IQSEC1: variants seen among roughly 807,000 people sequenced by gnomAD.
IQSEC1 encodes the protein IQ motif and SEC7 domain-containing protein 1.
A neutral mutation model predicts 91.0 loss-of-function variants in IQSEC1; 31 were observed. The observed-to-expected ratio is 0.34, with a 90% CI of 0.26 to 0.46. IQSEC1 has a LOEUF of 0.46. IQSEC1 is among the 20% of genes least tolerant of loss of function. The pLI is 1.00. For synonymous variants in IQSEC1, 699 were observed against 662.6 expected, an observed-to-expected ratio of 1.05 and a Z score of -0.84; for missense variants, 1,388 against 1,575.6, an observed-to-expected ratio of 0.88 and a Z score of 2.02.
At chr3:12,933,826 C>T (rs1559639781) in intron 3 of IQSEC1, among the ~76,000 whole-genome samples, 1 of 152,256 alleles carries the variant, frequency 6.6e-6, no homozygotes, top group Non-Finnish European at 1.5e-5. Context: ...GCAAGGCATG[C>T]ATTTTCTGTG....
chr3:13,192,345 AAAAAAAAAAG>A (rs1471319206), intron 1 of IQSEC1, among the ~76,000 whole-genome samples: 1 of 151,950 alleles, frequency 6.6e-6, no homozygotes, highest in East Asian at 1.9e-4. Flanking sequence ...CTCAAAAAAA[AAAAAAAAAAG>A]AAAAGAAAAG....
At chr3:13,144,864 T>G (rs549730161) in intron 2 of IQSEC1, among the ~76,000 whole-genome samples, 2 of 152,300 alleles carry the variant, frequency 1.3e-5, no homozygotes, top group African/African-American at 4.8e-5. Flanking sequence ...GAAGCAGCGC[T>G]TGGGCCGAAG....
chr3:13,190,261 A>C (rs1387095304), intron 1 of IQSEC1, among the ~76,000 whole-genome samples: 1 of 152,142 alleles, frequency 6.6e-6, no homozygotes, highest in African/African-American at 2.4e-5. Flanking sequence ...AGACCCTCTT[A>C]GGCGGCGGAT....
chr3:12,998,359 C>T (rs7636861), intron 1 of IQSEC1, among the ~76,000 whole-genome samples: 1 of 151,918 alleles, frequency 6.6e-6, no homozygotes. Flanking sequence ...TCAAAAAAAA[C>T]AAACAACAAA....
chr3:13,234,554 A>G (rs1040498285), intron 1 of IQSEC1, among the ~76,000 whole-genome samples: 2 of 152,094 alleles, frequency 1.3e-5, no homozygotes, highest in African/African-American at 2.4e-5. Flanking sequence ...ATCTTGCGCT[A>G]TTACTGCTGC....
At chr3:13,165,842 G>A (rs1364654118) in intron 1 of IQSEC1, among the ~76,000 whole-genome samples, 2 of 152,138 alleles carry the variant, frequency 1.3e-5, no homozygotes, top group Admixed American at 1.3e-4. Context: ...CCTCAGAAAG[G>A]GAGAGGTAGG....
intron 1 of IQSEC1, among the ~76,000 whole-genome samples, chr3:12,955,160 C>T (rs138992640): frequency 2.6e-5 from 4 of 152,366 alleles, no homozygotes; most frequent in East Asian, 3.8e-4. Flanking sequence ...GTTTCTCCAC[C>T]GTACAGACAC....
At chr3:13,235,846 G>T (rs1694918867) in intron 1 of IQSEC1, among the ~76,000 whole-genome samples, 1 of 152,154 alleles carries the variant, frequency 6.6e-6, no homozygotes, top group African/African-American at 2.4e-5. Context: ...GGTGAACCTG[G>T]TCTTTAAATC....
At chr3:13,010,934 C>T (rs562174776) in intron 1 of IQSEC1, among the ~76,000 whole-genome samples, 7 of 152,208 alleles carry the variant, frequency 4.6e-5, no homozygotes, top group South Asian at 2.1e-4. Context: ...CTCCACTCCC[C>T]ACTTGAGCAG....
At chr3:13,096,167 C>T (rs1431689618) in intron 2 of IQSEC1, among the ~76,000 whole-genome samples, 1 of 151,972 alleles carries the variant, frequency 6.6e-6, no homozygotes, top group Non-Finnish European at 1.5e-5. Context: ...CCTATCCCCT[C>T]TTTTTCTTCT....
chr3:13,239,460 G>T (rs891818286), intron 1 of IQSEC1, among the ~76,000 whole-genome samples: 4 of 152,268 alleles, frequency 2.6e-5, no homozygotes, highest in African/African-American at 9.6e-5. Context: ...CAGAGCCGCG[G>T]ACACAGGAGA....
intron 1 of IQSEC1, among the ~76,000 whole-genome samples, chr3:13,071,156 TTTTTTTTTTTG>T (rs1468511411): frequency 3.3e-5 from 4 of 119,678 alleles, no homozygotes; most frequent in Non-Finnish European, 5.4e-5. Flanking sequence ...TTTTTTTGTT[TTTTTTTTTTTG>T]TTTGTTTCTT....
chr3:12,989,114 T>C (rs2125620792), intron 1 of IQSEC1, among the ~76,000 whole-genome samples: 1 of 152,346 alleles, frequency 6.6e-6, no homozygotes, highest in East Asian at 1.9e-4. Context: ...CTGGAGCAGA[T>C]GGGTTGATTT....
chr3:13,130,707 C>T (rs1209025589), intron 2 of IQSEC1, among the ~76,000 whole-genome samples: 2 of 151,812 alleles, frequency 1.3e-5, no homozygotes, highest in Admixed American at 6.6e-5. Flanking sequence ...GAGGCTGAGG[C>T]AGGTGGATCA....
At chr3:12,946,016 A>T (rs1269670455) in intron 1 of IQSEC1, among the ~76,000 whole-genome samples, 1 of 152,156 alleles carries the variant, frequency 6.6e-6, no homozygotes, top group Non-Finnish European at 1.5e-5. Flanking sequence ...AGCTCTACCC[A>T]GTTTCTTCCT....
chr3:13,192,221 C>T (rs1694047720), intron 1 of IQSEC1, among the ~76,000 whole-genome samples: 1 of 152,042 alleles, frequency 6.6e-6, no homozygotes, highest in East Asian at 1.9e-4. Context: ...GCCTGTAGTC[C>T]CAGCTACTCA....
At chr3:13,270,955 C>T (rs1576318011) in intron 1 of IQSEC1, among the ~76,000 whole-genome samples, 1 of 152,178 alleles carries the variant, frequency 6.6e-6, no homozygotes, top group African/African-American at 2.4e-5. Context: ...AAAAGATATA[C>T]AAATGGTAAC....
chr3:12,931,899 C>G (rs546506025), intron 3 of IQSEC1, among the ~76,000 whole-genome samples: 62 of 152,220 alleles, frequency 4.1e-4, no homozygotes, highest in Non-Finnish European at 8.5e-4. Flanking sequence ...GCCAAGTAGT[C>G]CAACCACACT....
chr3:13,155,765 A>C (rs1707076611), intron 2 of IQSEC1, among the ~76,000 whole-genome samples: 1 of 152,244 alleles, frequency 6.6e-6, no homozygotes, highest in South Asian at 2.1e-4. Context: ...AGAATTCTGC[A>C]GCATGACTAA....
Sources: gnomAD v4.1 joint callset for allele counts (sites outside exome capture counted in the v4.1 genomes callset) on GRCh38, gnomAD v4.1.1 for gene constraint, MANE v1.5 for transcripts, NCBI Gene and HGNC (gene_info 2026-07-23, HGNC 2026-07-21) for gene names.